KSR1: variants seen among roughly 807,000 people sequenced by gnomAD.
KSR1 encodes the protein kinase suppressor of ras 1, also known as kinase suppressor of ras.
In KSR1, 35 loss-of-function variants were observed where a neutral mutation model predicts 92.9. That is an observed-to-expected ratio of 0.38 (90% confidence interval 0.29 to 0.50). The LOEUF is 0.50. KSR1 is among the 20% of genes least tolerant of loss of function. The pLI is 0.94. For missense variants in KSR1, 972 were observed against 1,158.5 expected, an observed-to-expected ratio of 0.84 and a Z score of 2.34; for synonymous variants, 467 against 472.6, an observed-to-expected ratio of 0.99 and a Z score of 0.15.
intron 14 of KSR1, 143 bp from the exon 15 acceptor site, chr17:27,607,771 T>G (rs2073800582): frequency 9.3e-6 from 6 of 647,854 alleles, no homozygotes; most frequent in Non-Finnish European, 1.4e-5. Flanking sequence ...TGGGCTGGGT[T>G]AAAGAAGATT....
chr17:27,511,415 TG>T (rs2069596465), intron 1 of KSR1, among the ~76,000 whole-genome samples: 1 of 152,128 alleles, frequency 6.6e-6, no homozygotes, highest in Non-Finnish European at 1.5e-5. Flanking sequence ...TGTCTGTACT[TG>T]GCTGGGAAGA....
chr17:27,564,030 C>T (rs1341076284), intron 2 of KSR1, among the ~76,000 whole-genome samples: 2 of 110,366 alleles, frequency 1.8e-5, no homozygotes, highest in Non-Finnish European at 3.5e-5. Context: ...ACCTTGTTGC[C>T]GAGGCTGGAG....
chr17:27,617,648 C>T (rs1483582519), intron 19 of KSR1: 5 of 507,778 alleles, frequency 9.8e-6, no homozygotes, highest in African/African-American at 5.8e-5. Flanking sequence ...CTGCCTCAGC[C>T]TCCCGAGTAG....
chr17:27,538,185 G>A (rs774337667), intron 1 of KSR1, among the ~76,000 whole-genome samples: 1 of 152,140 alleles, frequency 6.6e-6, no homozygotes, highest in East Asian at 1.9e-4. Flanking sequence ...GGAATACTGC[G>A]GACTTAATAG....
At chr17:27,607,468 A>G (rs962007346) in intron 14 of KSR1, among the ~76,000 whole-genome samples, 1 of 152,024 alleles carries the variant, frequency 6.6e-6, no homozygotes, top group African/African-American at 2.4e-5. Flanking sequence ...CCTTTATTGT[A>G]ATAAAAACCC....
At position 27,506,097 on chromosome 17, in the gene KSR1, A is replaced by G. The variant is rs527638380; in HGVS notation, c.232-44471A>G. On this transcript the variant is annotated intron_variant, in intron 1 of 20. Transcript: ENST00000644974. ...ACCTAACCAAACTTTTCATATTTCTATGCTCCCTCTTTGTCCTTGTCTGCA... is the reference window on the plus strand; with the variant it reads ...ACCTAACCAAACTTTTCATATTTCTGTGCTCCCTCTTTGTCCTTGTCTGCA... Among the ~76,000 whole-genome samples, 9 of 152,330 alleles carry G rather than the reference A, an allele frequency of 5.9e-5. No homozygotes were observed. In the East Asian group the frequency reaches 9.6e-4, roughly 16 times the overall value.
chr17:27,471,565 T>C (rs535586722), intron 1 of KSR1, among the ~76,000 whole-genome samples: 3 of 152,134 alleles, frequency 2.0e-5, no homozygotes, highest in South Asian at 4.1e-4. Flanking sequence ...TGGAACACAG[T>C]GTCAGGGGAG....
chr17:27,592,996 G>A (rs2073219530), intron 9 of KSR1, among the ~76,000 whole-genome samples: 1 of 152,246 alleles, frequency 6.6e-6, no homozygotes, highest in Admixed American at 6.5e-5. Context: ...CAATCCCAGA[G>A]TGGTAGCCTC....
At chr17:27,496,935 T>A (rs1480552202) in intron 1 of KSR1, among the ~76,000 whole-genome samples, 2 of 152,232 alleles carry the variant, frequency 1.3e-5, no homozygotes, top group African/African-American at 4.8e-5. Context: ...GGTTCAGCTT[T>A]CATCAATTGC....
chr17:27,617,372 A>G lies in KSR1; in HGVS notation c.2571A>G (p.Lys857=). 6.2e-7 allele frequency: 1 copy of G among 1,612,874 alleles called. No individual in the cohort carries two copies. The highest frequency in any genetic ancestry group is 8.5e-7 in the Non-Finnish European group (1 of 1,179,320). Residue 857 remains lysine (K), a synonymous_variant, in exon 19 of 21, where the codon AAA becomes AAG. Coordinates refer to ENST00000644974, the MANE Select transcript of KSR1 (RefSeq NM_001394583.1). ...SFSLLMDMLE[K]LPKLNRRLSH... ...GCCTGCTGATGGACATGCTGGAGAAACTTCCCAAGCTGAACCGGCGGCTCT... is the reference window on the plus strand; with the variant it reads ...GCCTGCTGATGGACATGCTGGAGAAGCTTCCCAAGCTGAACCGGCGGCTCT...
intron 2 of KSR1, among the ~76,000 whole-genome samples, chr17:27,562,079 C>A (rs1427123376): frequency 6.6e-6 from 1 of 152,160 alleles, no homozygotes; most frequent in Non-Finnish European, 1.5e-5. Flanking sequence ...CTCTAGTCCT[C>A]AAGTGATCTG....
At chr17:27,570,759 T>C (rs2072273927) in intron 2 of KSR1, among the ~76,000 whole-genome samples, 1 of 152,222 alleles carries the variant, frequency 6.6e-6, no homozygotes, top group South Asian at 2.1e-4. Context: ...CACATCTGCC[T>C]TCTGGTCTGG....
chr17:27,511,750 A>T (rs2151002606), intron 1 of KSR1, among the ~76,000 whole-genome samples: 1 of 152,306 alleles, frequency 6.6e-6, no homozygotes, highest in East Asian at 1.9e-4. Flanking sequence ...TGCCTAGGTG[A>T]GGGGGCTCTC....
At chr17:27,557,749 G>A (rs930802415) in intron 2 of KSR1, among the ~76,000 whole-genome samples, 1 of 152,098 alleles carries the variant, frequency 6.6e-6, no homozygotes, top group African/African-American at 2.4e-5. Context: ...GAGGTGGTTC[G>A]GAGAGACCAT....
In KSR1 at chr17:27,609,328, C is replaced by T. The variant is rs368462362; in HGVS notation, c.2224C>T (p.Arg742Trp). 9.3e-6 allele frequency: 15 copies of T among 1,613,764 alleles called. No individual in the cohort carries two copies. The highest frequency in any genetic ancestry group is 5.5e-5 in the South Asian group (5 of 91,052). ...GATCTCAGGCGTGGTCCGAGAGGGA[C>T]GGTGAGTTGGTCTTGAGTGTCTGGG... ...FGISGVVREG[R>W]RENQLKLSHD... is the part of the protein sequence containing the mutation. The change falls in exon 16 of 21, where the codon CGG (arginine) becomes TGG (tryptophan). Residue 742 changes from arginine (R) to tryptophan (W), a missense_variant and splice_region_variant. Arg to Trp is a moderately radical substitution (Grantham distance 101, BLOSUM62 -3). Around this residue, in one of 5 missense-constraint regions of KSR1, gnomAD observed 260 missense variants for 375.2 expected, o/e 0.69. Coordinates refer to ENST00000644974, the MANE Select transcript of KSR1 (RefSeq NM_001394583.1).
intron 10 of KSR1, among the ~76,000 whole-genome samples, chr17:27,600,552 C>T (rs559348610): frequency 1.6e-4 from 25 of 152,186 alleles, no homozygotes; most frequent in Admixed American, 1.2e-3. Context: ...AAGATGCTAC[C>T]GTGCATAATC....
At position 27,625,388 on chromosome 17, in the gene KSR1, A is replaced by G. The variant is rs999376486; in HGVS notation, c.*1996A>G. 1 of 152,292 alleles carries G rather than the reference A, an allele frequency of 6.6e-6. No individual in the cohort carries two copies. Among genetic ancestry groups the G allele is most frequent in the African/African-American group, 2.4e-5 (1 of 41,472 alleles). 9.4% of individuals were successfully genotyped at this position (152,292 alleles called of 1,614,324 possible). On this transcript the variant is annotated 3_prime_UTR_variant, in exon 21 of 21. Transcript: ENST00000644974. ...GAGCATCACAGTTAAAGAAGCGCTCATTGAGCAACTACAGTGCACTTGGTC... is the reference window on the plus strand; with the variant it reads ...GAGCATCACAGTTAAAGAAGCGCTCGTTGAGCAACTACAGTGCACTTGGTC...
intron 14 of KSR1, among the ~76,000 whole-genome samples, chr17:27,606,863 G>A (rs766976378): frequency 1.3e-5 from 2 of 151,824 alleles, no homozygotes; most frequent in Non-Finnish European, 2.9e-5. Flanking sequence ...ACAGGGTCTC[G>A]CTCTGTCACC....
At chr17:27,561,218 AT>A (rs1481611837) in intron 2 of KSR1, among the ~76,000 whole-genome samples, 1 of 152,168 alleles carries the variant, frequency 6.6e-6, no homozygotes, top group Non-Finnish European at 1.5e-5. Context: ...CTCATACACA[AT>A]TTTGTCATCT....
Sources: allele counts gnomAD v4.1 joint callset (sites outside exome capture counted in the v4.1 genomes callset), GRCh38; gene constraint gnomAD v4.1.1; regional missense constraint gnomAD v4.1.1; transcripts MANE v1.5; gene names NCBI Gene and HGNC (gene_info 2026-07-23, HGNC 2026-07-21).